CCND3: variants seen among roughly 807,000 people sequenced by gnomAD.
CCND3 encodes cyclin D3.
Under a neutral mutation model 28.7 loss-of-function variants are expected in CCND3, and 9 were observed. The observed-to-expected ratio is 0.31, with a 90% CI of 0.19 to 0.55. The LOEUF is 0.55. Among genes scored for constraint, CCND3 ranks in the 20% least tolerant of loss-of-function variants. The probability of loss-of-function intolerance (pLI) is 0.93; values close to 1 mark genes in which losing one functional copy is unlikely to be tolerated. For synonymous variants in CCND3, 164 were observed against 163.9 expected (o/e 1.00, Z 0.00); for missense variants, 315 against 385.8 (o/e 0.82, Z 1.54).
At chr6:42,035,446 C>A (rs2127438430) in intron 1 of CCND3, among the ~76,000 whole-genome samples, 1 of 152,156 alleles carries the variant, frequency 6.6e-6, no homozygotes, top group South Asian at 2.1e-4. Flanking sequence ...CGGCTCACTG[C>A]AAGCTCTGCC....
intron 1 of CCND3, among the ~76,000 whole-genome samples, chr6:42,040,013 T>C (rs1184800942): frequency 6.6e-6 from 1 of 152,224 alleles, no homozygotes; most frequent in Non-Finnish European, 1.5e-5. Context: ...CTACTAGTCC[T>C]GAGACTGTGT....
chr6:41,994,947 C>A (rs1051118354), intron 1 of CCND3, among the ~76,000 whole-genome samples: 1 of 151,944 alleles, frequency 6.6e-6, no homozygotes, highest in African/African-American at 2.4e-5. Context: ...TGGCAGCCGC[C>A]TGTAATTCCA....
At chr6:41,966,890 G>A (rs1390262856) in intron 1 of CCND3, among the ~76,000 whole-genome samples, 1 of 152,116 alleles carries the variant, frequency 6.6e-6, no homozygotes, top group Non-Finnish European at 1.5e-5. Flanking sequence ...AAATTCTGGG[G>A]TGAGACTAGA....
chr6:42,026,509 A>T (rs1247819335), intron 1 of CCND3, among the ~76,000 whole-genome samples: 1 of 152,150 alleles, frequency 6.6e-6, no homozygotes, highest in Non-Finnish European at 1.5e-5. Context: ...AAAGAAGTCC[A>T]GCTGGGAACA....
At chr6:41,971,090 G>A (rs558058448) in intron 1 of CCND3, among the ~76,000 whole-genome samples, 14 of 152,032 alleles carry the variant, frequency 9.2e-5, no homozygotes, top group Admixed American at 2.6e-4. Flanking sequence ...GCTAATTTTC[G>A]TATTTTTAGT....
intron 1 of CCND3, among the ~76,000 whole-genome samples, chr6:42,033,506 G>GCA (rs1764106248): frequency 2.7e-5 from 3 of 109,590 alleles, no homozygotes; most frequent in African/African-American, 6.9e-5. Context: ...ACACACACAC[G>GCA]CACACATAGA....
intron 1 of CCND3, among the ~76,000 whole-genome samples, chr6:41,972,432 G>A (rs991806467): frequency 2.6e-5 from 4 of 151,988 alleles, no homozygotes; most frequent in Non-Finnish European, 5.9e-5. Context: ...AATATGTGGT[G>A]GTAAACATGA....
chr6:42,029,617 C>T (rs1180100926), intron 1 of CCND3, among the ~76,000 whole-genome samples: 1 of 152,062 alleles, frequency 6.6e-6, no homozygotes, highest in Non-Finnish European at 1.5e-5. Flanking sequence ...ATGAGCAGAT[C>T]ACCTGAGGTC....
intron 1 of CCND3, among the ~76,000 whole-genome samples, chr6:42,046,917 A>G (rs1053161422): frequency 2.0e-5 from 3 of 152,234 alleles, no homozygotes; most frequent in Non-Finnish European, 2.9e-5. Flanking sequence ...CAAGTGACCT[A>G]GGTTTAAATC....
At chr6:41,974,043 T>A (rs763546650) in intron 1 of CCND3, among the ~76,000 whole-genome samples, 3 of 152,072 alleles carry the variant, frequency 2.0e-5, no homozygotes, top group Non-Finnish European at 4.4e-5. Flanking sequence ...ATTAGCCGGG[T>A]GTGGTGGTGT....
intron 1 of CCND3, among the ~76,000 whole-genome samples, chr6:42,000,632 A>G (rs1482592882): frequency 7.0e-6 from 1 of 141,908 alleles, no homozygotes; most frequent in Non-Finnish European, 1.5e-5. Flanking sequence ...CAATGGCGCA[A>G]TCTCGGCTCA....
chr6:42,024,418 T>TA lies in CCND3; in HGVS notation c.-46+24082dup, dbSNP rs896118688. ...ACTCAGTCTCAAAAAAAAAAAATAA[T>TA]AATAATTCACCCTGATAACACAGCT... is the stretch of plus-strand genomic sequence containing the variant. On this transcript the variant is annotated intron_variant, in intron 1 of 4. Coordinates refer to the CCND3 transcript ENST00000372988. Among the ~76,000 whole-genome samples, 29 of 146,348 alleles carry TA rather than the reference T, an allele frequency of 2.0e-4. No individual in the cohort carries two copies. The East Asian group carries it at 3.0e-3, about 15-fold the overall frequency.
intron 1 of CCND3, among the ~76,000 whole-genome samples, chr6:42,014,858 CTCT>C (rs1561987662): frequency 6.6e-6 from 1 of 152,156 alleles, no homozygotes; most frequent in East Asian, 1.9e-4. Flanking sequence ...TTTTCAAAAT[CTCT>C]TATTATAATA....
chr6:42,014,316 C>G (rs1354840230), intron 1 of CCND3, among the ~76,000 whole-genome samples: 1 of 151,912 alleles, frequency 6.6e-6, no homozygotes. Flanking sequence ...TGCAGTGAGC[C>G]GAGATGGCGC....
At chr6:41,942,602 TGGAGAAACTGTGGAC>T (rs1776067008), upstream of CCND3, among the ~76,000 whole-genome samples, 1 of 152,176 alleles carries the variant, frequency 6.6e-6, no homozygotes. Flanking sequence ...AGTTTCTGTT[TGGAGAAACTGTGGAC>T]GGAGAAACTA....
At chr6:41,972,864 CAT>C (rs10560058) in intron 1 of CCND3, among the ~76,000 whole-genome samples, 24,543 of 147,226 alleles carry the variant, frequency 0.17, 2,922 homozygotes, top group East Asian at 0.34. Context: ...AAAAAATTTA[CAT>C]ATATATATAT....
chr6:42,014,759 G>A (rs1763449584), intron 1 of CCND3, among the ~76,000 whole-genome samples: 2 of 152,218 alleles, frequency 1.3e-5, no homozygotes, highest in African/African-American at 4.8e-5. Flanking sequence ...CTGCACTCCA[G>A]CTTGGGTGAC....
intron 1 of CCND3, among the ~76,000 whole-genome samples, chr6:42,043,978 C>T (rs1003356781): frequency 6.6e-6 from 1 of 152,182 alleles, no homozygotes; most frequent in Non-Finnish European, 1.5e-5. Flanking sequence ...GGAGATGACA[C>T]AGGTGTCATG....
chr6:42,001,483 C>CAAAG (rs1763010557), intron 1 of CCND3, among the ~76,000 whole-genome samples: 1 of 152,118 alleles, frequency 6.6e-6, no homozygotes, highest in East Asian at 1.9e-4. Context: ...AAGCCAGGCA[C>CAAAG]AAAGAGAATT....
Sources: allele counts gnomAD v4.1 joint callset (sites outside exome capture counted in the v4.1 genomes callset), GRCh38; gene constraint gnomAD v4.1.1; transcripts MANE v1.5; gene names NCBI Gene and HGNC (gene_info 2026-07-23, HGNC 2026-07-21).